ZC3H7B: variants seen among roughly 807,000 people sequenced by gnomAD.
ZC3H7B encodes the protein zinc finger CCCH domain-containing protein 7B.
A neutral mutation model predicts 116.0 loss-of-function variants in ZC3H7B; 35 were observed. The observed-to-expected ratio is 0.30, with a 90% CI of 0.23 to 0.40. The LOEUF (loss-of-function observed/expected upper bound fraction) is 0.40. Among genes scored for constraint, ZC3H7B ranks in the 10% least tolerant of loss-of-function variants. The pLI, the probability that ZC3H7B is intolerant of heterozygous loss-of-function variation, is 1.00. For missense variants in ZC3H7B, 1,011 were observed against 1,321.5 expected (o/e 0.77, Z 3.64); for synonymous variants, 502 against 545.6 (o/e 0.92, Z 1.11).
At chr22:41,303,217 G>A (rs945850666) in intron 1 of ZC3H7B, among the ~76,000 whole-genome samples, 1 of 152,246 alleles carries the variant, frequency 6.6e-6, no homozygotes, top group African/African-American at 2.4e-5. Flanking sequence ...TGTTTGAGAA[G>A]TGGGGAGACT....
chr22:41,307,499 G>A (rs1453963619), intron 1 of ZC3H7B, among the ~76,000 whole-genome samples: 5 of 152,204 alleles, frequency 3.3e-5, no homozygotes, highest in Non-Finnish European at 1.5e-5. Context: ...CATTCAGAGC[G>A]CTTGTTCCCT....
In ZC3H7B at chr22:41,351,273, G is replaced by A. The variant is rs2036651120; in HGVS notation, c.1949-288G>A. On this transcript the variant is annotated intron_variant, in intron 16 of 22. Coordinates refer to ENST00000352645, the MANE Select transcript of ZC3H7B (RefSeq NM_017590.6). The surrounding 1 kb of genome is among the most constrained non-coding windows in gnomAD (Gnocchi z 5.1). ...CCAAGAGACAGGGTCACTGGCATGG[G>A]AGCAGAGGACTCCCTACCACAGTAC... Among the ~76,000 whole-genome samples, 1 of 152,202 alleles carries A rather than the reference G, an allele frequency of 6.6e-6. No homozygotes were observed. Among genetic ancestry groups the A allele is most frequent in the Non-Finnish European group, 1.5e-5 (1 of 68,028 alleles).
chr22:41,356,105 C>T (rs373661574), intron 20 of ZC3H7B, 43 bp downstream of exon 20: 40 of 1,516,390 alleles, frequency 2.6e-5, no homozygotes, highest in Non-Finnish European at 3.1e-5. Flanking sequence ...CCCGGTGTCT[C>T]TTCAGTGCTG....
rs2036594008 is a variant in ZC3H7B, at chr22:41,346,982, AAAAT to A, written c.1665+775_1665+778del. ...ACCCTATTCCAAAAAAAAAAAAAAA[AAAAT>A]GTCATTTCCATCGTCACGGCAGTGC... On this transcript the variant is annotated intron_variant, in intron 14 of 22. Coordinates refer to ENST00000352645, the MANE Select transcript of ZC3H7B (RefSeq NM_017590.6). This position sits in a 1 kb window ranked among gnomAD's most constrained non-coding sequence, Gnocchi z 5.3. Among the ~76,000 whole-genome samples the A allele has an allele frequency of 6.7e-6, 1 of 148,804 alleles. No homozygotes were observed. Among genetic ancestry groups the A allele is most frequent in the South Asian group, 2.1e-4 (1 of 4,804 alleles).
In ZC3H7B at chr22:41,302,385, G is replaced by C. The variant is rs542165709; in HGVS notation, c.-7+613G>C. On this transcript the variant is annotated intron_variant, in intron 1 of 22. Coordinates refer to ENST00000352645, the MANE Select transcript of ZC3H7B (RefSeq NM_017590.6). The surrounding 1 kb of genome is among the most constrained non-coding windows in gnomAD (Gnocchi z 5.7). ...CCGCGGGAAGGGGGCGGCAGGAAAG[G>C]GGGGCGCGGTCTGGGCCTGCTGGGC... Among the ~76,000 whole-genome samples the C allele has an allele frequency of 5.9e-5, 9 of 152,218 alleles. No individual in the cohort carries two copies. The highest frequency in any genetic ancestry group is 1.9e-4 in the African/African-American group (8 of 41,574).
At chr22:41,337,888 G>A (rs1346319076) in intron 7 of ZC3H7B, among the ~76,000 whole-genome samples, 5 of 148,544 alleles carry the variant, frequency 3.4e-5, no homozygotes, top group Admixed American at 3.3e-4. Context: ...TTTTTTTTGA[G>A]GTAGAGTCTC....
Position 41,339,805 on chromosome 22 carries a change from C to G in ZC3H7B, c.817-11C>G, listed in dbSNP as rs923718477. 1 of 1,579,140 alleles carries G rather than the reference C, an allele frequency of 6.3e-7. No homozygotes were observed. Among genetic ancestry groups the G allele is most frequent in the Non-Finnish European group, 8.6e-7 (1 of 1,158,910 alleles). On this transcript the variant is annotated splice_polypyrimidine_tract_variant and intron_variant, in intron 9 of 22. Coordinates refer to ENST00000352645, the MANE Select transcript of ZC3H7B (RefSeq NM_017590.6). ...TTTCCTCTGACCCCTCCCTCTGTCCCTGCCTCATAGTCTCTGGTCCAGGGT... is the reference window on the plus strand; with the variant it reads ...TTTCCTCTGACCCCTCCCTCTGTCCGTGCCTCATAGTCTCTGGTCCAGGGT...
At chr22:41,345,430 A>G (rs1485915138) in intron 13 of ZC3H7B, among the ~76,000 whole-genome samples, 1 of 152,100 alleles carries the variant, frequency 6.6e-6, no homozygotes, top group Non-Finnish European at 1.5e-5. Flanking sequence ...TACTAAAAAT[A>G]CAAAATTAGC....
rs531466124 is a variant in ZC3H7B at position 41,302,666 on chromosome 22, T to G, written c.-7+894T>G. Among the ~76,000 whole-genome samples the G allele has an allele frequency of 3.3e-5, 5 of 152,318 alleles. No homozygotes were observed. In the East Asian group the frequency reaches 9.7e-4, roughly 29 times the overall value. ...CTCCTTTCTCCTCAACTCTGTCTGT[T>G]TTAGGCGTTTATAAGGCGCCTGGTT... On this transcript the variant is annotated intron_variant, in intron 1 of 22. Transcript: ENST00000352645. This position sits in a 1 kb window ranked among gnomAD's most constrained non-coding sequence, Gnocchi z 5.7.
chr22:41,307,399 C>G (rs1325284621), intron 1 of ZC3H7B, among the ~76,000 whole-genome samples: 1 of 152,188 alleles, frequency 6.6e-6, no homozygotes, highest in Non-Finnish European at 1.5e-5. Flanking sequence ...TGTTTCTTTG[C>G]AGGCATGTTG....
intron 1 of ZC3H7B, among the ~76,000 whole-genome samples, chr22:41,305,067 C>T (rs1471238851): frequency 1.3e-5 from 2 of 152,120 alleles, no homozygotes; most frequent in Non-Finnish European, 2.9e-5. Context: ...CAAAAATTGG[C>T]CGGCTGCGGT....
intron 2 of ZC3H7B, among the ~76,000 whole-genome samples, chr22:41,325,051 A>C (rs2036300345): frequency 6.6e-6 from 1 of 152,166 alleles, no homozygotes; most frequent in Admixed American, 6.5e-5. Context: ...CCTAGGCCCA[A>C]GTGTGGCTCC....
chr22:41,332,065 G>A, intron 6 of ZC3H7B, 106 bp from the exon 7 acceptor site: 1 of 1,240,728 alleles, frequency 8.1e-7, no homozygotes, highest in Non-Finnish European at 1.2e-6. Context: ...GGGCGCTGCA[G>A]ACCCCAGCTG....
At chr22:41,342,183 G>A (rs1164689784) in intron 11 of ZC3H7B, among the ~76,000 whole-genome samples, 1 of 152,158 alleles carries the variant, frequency 6.6e-6, no homozygotes, top group African/African-American at 2.4e-5. Flanking sequence ...TTGGGGGATT[G>A]GGGGAGGGCA....
At chr22:41,333,506 G>C (rs1203571997) in intron 7 of ZC3H7B, 4 of 152,146 alleles carry the variant, frequency 2.6e-5, no homozygotes, top group Non-Finnish European at 4.4e-5. Context: ...TGTGCCTGTA[G>C]TTCCAGCTAC....
At chr22:41,352,764 AAAAT>A (rs1157168255) in intron 17 of ZC3H7B, among the ~76,000 whole-genome samples, 1 of 151,928 alleles carries the variant, frequency 6.6e-6, no homozygotes, top group African/African-American at 2.4e-5. Context: ...TCCGTCTCAA[AAAAT>A]AAATAAATAA....
chr22:41,349,422 G>A lies in ZC3H7B; in HGVS notation c.1948+121G>A. On this transcript the variant is annotated intron_variant, in intron 16 of 22. Transcript: ENST00000352645. The surrounding 1 kb of genome is among the most constrained non-coding windows in gnomAD (Gnocchi z 4.9). ...CAGGGCCCCATGGTCGCTGGAGGGGGCTTCGGGAGAGTTCAGGAGAGGTGG... is the reference window on the plus strand; with the variant it reads ...CAGGGCCCCATGGTCGCTGGAGGGGACTTCGGGAGAGTTCAGGAGAGGTGG... The A allele has an allele frequency of 1.5e-6, 2 of 1,343,548 alleles. No homozygotes were observed. The highest frequency in any genetic ancestry group is 2.1e-5 in the Admixed American group (1 of 46,712). 83.2% of individuals were successfully genotyped at this position (1,343,548 alleles called of 1,614,324 possible).
At position 41,338,212 on chromosome 22, in the gene ZC3H7B, G is replaced by A. The variant is rs754862489; in HGVS notation, c.583-101G>A. On this transcript the variant is annotated intron_variant, in intron 7 of 22. Coordinates refer to ENST00000352645, the MANE Select transcript of ZC3H7B (RefSeq NM_017590.6). The surrounding 1 kb of genome is among the most constrained non-coding windows in gnomAD (Gnocchi z 4.5). ...TCCCCTGGCACTCTAAGTGCTCCTC[G>A]GTGCTGGGTCAACAGCATAGTCACG... is the stretch of plus-strand genomic sequence containing the variant. 25 of 1,276,580 alleles carry A rather than the reference G, an allele frequency of 2.0e-5. No individual in the cohort carries two copies. Among genetic ancestry groups the A allele is most frequent in the Admixed American group, 6.5e-5 (3 of 46,334 alleles). 79.1% of individuals were successfully genotyped at this position (1,276,580 alleles called of 1,614,324 possible). A position where few individuals can be genotyped will look rare whatever the true frequency, so the allele number is the denominator to read the frequency against.
rs2036732532 is a variant in ZC3H7B, at chr22:41,357,140, C to A, written c.2682-37C>A. ...GATGGACAGCCTGGGGTGGGAAGGG[C>A]ACAGAGCTCGGGCAGTGAGCCTCCT... On this transcript the variant is annotated intron_variant, in intron 22 of 22. Transcript: ENST00000352645. This position sits in a 1 kb window ranked among gnomAD's most constrained non-coding sequence, Gnocchi z 5.4. 6.2e-7 allele frequency: 1 copy of A among 1,604,968 alleles called. No individual in the cohort carries two copies. Among genetic ancestry groups the A allele is most frequent in the Non-Finnish European group, 8.5e-7 (1 of 1,176,838 alleles).
Sources: allele counts gnomAD v4.1 joint callset (sites outside exome capture counted in the v4.1 genomes callset), GRCh38; gene constraint gnomAD v4.1.1; non-coding constraint Gnocchi (gnomAD v3.1); transcripts MANE v1.5; gene names NCBI Gene and HGNC (gene_info 2026-07-23, HGNC 2026-07-21).